The following TACC2 variants were observed in gnomAD, a reference collection of about 807,000 sequenced individuals.
TACC2 encodes the protein transforming acidic coiled-coil containing protein 2.
Under a neutral mutation model 227.3 loss-of-function variants are expected in TACC2, and 137 were observed. That is an observed-to-expected ratio of 0.60 (90% CI 0.52 to 0.69). The LOEUF is 0.69. Ranked by LOEUF, TACC2 falls within the 30% of genes least tolerant of loss-of-function variation. The probability of loss-of-function intolerance (pLI) is 0.00; values close to 1 mark genes in which losing one functional copy is unlikely to be tolerated. For missense variants in TACC2, 3,470 were observed against 3,694.4 expected, an observed-to-expected ratio of 0.94 and a Z score of 1.57; for synonymous variants, 1,523 against 1,487.5, an observed-to-expected ratio of 1.02 and a Z score of -0.55.
At position 122,085,230 on chromosome 10, in the gene TACC2, G is replaced by A; in HGVS notation, c.2730G>A (p.Leu910=). 6.2e-7 allele frequency: 1 copy of A among 1,614,120 alleles called. No individual in the cohort carries two copies. Among genetic ancestry groups the A allele is most frequent in the Non-Finnish European group, 8.5e-7 (1 of 1,180,042 alleles). Residue 910 remains leucine (L), a synonymous_variant, in exon 4 of 23, where the codon CTG becomes CTA. Coordinates refer to ENST00000369005, the MANE Select transcript of TACC2 (RefSeq NM_206862.4). ...AAAGTCAGCTCCCCAAAGGCACCCT[G>A]TCTGATACTCCAACTTCATCTCCCA... The part of the protein sequence containing the change: ...ELQSQLPKGT[L]SDTPTSSPTD...
chr10:122,113,467 C>T (rs535997086), intron 5 of TACC2, among the ~76,000 whole-genome samples: 1 of 152,348 alleles, frequency 6.6e-6, no homozygotes, highest in South Asian at 2.1e-4. Context: ...GCCTGGTTCC[C>T]TTGAGTGGGA....
intron 1 of TACC2, among the ~76,000 whole-genome samples, chr10:121,991,848 G>C (rs1953038726): frequency 1.3e-5 from 2 of 152,224 alleles, no homozygotes; most frequent in Admixed American, 6.5e-5. Context: ...TGGACTCACA[G>C]TTCCGTGTGG....
chr10:122,019,303 T>C (rs1957060318), intron 1 of TACC2, among the ~76,000 whole-genome samples: 1 of 152,330 alleles, frequency 6.6e-6, no homozygotes, highest in South Asian at 2.1e-4. Flanking sequence ...GACTGCCGCG[T>C]CATCACATTT....
intron 22 of TACC2, among the ~76,000 whole-genome samples, chr10:122,252,746 G>A (rs2096275639): frequency 6.6e-6 from 1 of 152,154 alleles, no homozygotes. Context: ...ACCCGCCTCG[G>A]CCTCCCAAAG....
rs751450615 is a variant in TACC2 at position 122,195,033 on chromosome 10, T to C, written c.5835-7T>C. 1 of 1,607,568 alleles carries C rather than the reference T, an allele frequency of 6.2e-7. No individual in the cohort carries two copies. Among genetic ancestry groups the C allele is most frequent in the Non-Finnish European group, 8.5e-7 (1 of 1,176,138 alleles). On this transcript the variant is annotated splice_polypyrimidine_tract_variant and splice_region_variant and intron_variant, in intron 7 of 22. Transcript: ENST00000369005. ...TGTCTAACCTGTGCTTCTCCCTCTC[T>C]CATCAGGAGTTCCGATTCTGAAGAG...
intron 7 of TACC2, among the ~76,000 whole-genome samples, chr10:122,152,030 G>T (rs1330163043): frequency 1.2e-4 from 18 of 152,184 alleles, no homozygotes; most frequent in Admixed American, 9.2e-4. Flanking sequence ...TCCCCTTACT[G>T]CCCAAGGCTG....
At chr10:122,091,808 G>A (rs1222136981) in intron 5 of TACC2, among the ~76,000 whole-genome samples, 1 of 152,220 alleles carries the variant, frequency 6.6e-6, no homozygotes, top group Non-Finnish European at 1.5e-5. Flanking sequence ...GTCTTGGGGA[G>A]GCTGGGTGAC....
In TACC2 at chr10:122,248,722, C is replaced by T; in HGVS notation, c.8472C>T (p.Asp2824=). Reference sequence around the variant, plus strand: ...TGGAGAAGGAGCAAGCCCTGGCCGACCTGAACTCCGTGGAGAAGTCTCTGG... The same window carrying T: ...TGGAGAAGGAGCAAGCCCTGGCCGATCTGAACTCCGTGGAGAAGTCTCTGG... ...LVLEKEQALA[D]LNSVEKSLAD... The change falls in exon 20 of 23, where the codon GAC becomes GAT. Residue 2824 remains aspartate, a synonymous_variant. Coordinates refer to ENST00000369005, the MANE Select transcript of TACC2 (RefSeq NM_206862.4). 1 of 1,614,106 alleles carries T rather than the reference C, an allele frequency of 6.2e-7. No individual in the cohort carries two copies.
intron 2 of TACC2, among the ~76,000 whole-genome samples, chr10:122,029,847 A>T (rs932540091): frequency 7.1e-5 from 9 of 126,674 alleles, no homozygotes; most frequent in African/African-American, 2.4e-4. Context: ...GGTCTTAGGG[A>T]TGCTTTTGGA....
chr10:122,137,290 A>AT (rs2139036932), intron 6 of TACC2, among the ~76,000 whole-genome samples: 1 of 152,006 alleles, frequency 6.6e-6, no homozygotes, highest in South Asian at 2.1e-4. Flanking sequence ...TCATTAAAAA[A>AT]AAAAAAAGCA....
intron 8 of TACC2, among the ~76,000 whole-genome samples, chr10:122,196,035 G>A (rs2094557849): frequency 6.6e-6 from 1 of 152,190 alleles, no homozygotes; most frequent in East Asian, 1.9e-4. Flanking sequence ...CCTGGGAGCG[G>A]CCACTGCCAG....
intron 5 of TACC2, among the ~76,000 whole-genome samples, chr10:122,125,663 A>G (rs1238472650): frequency 2.0e-5 from 3 of 151,988 alleles, no homozygotes; most frequent in Non-Finnish European, 4.4e-5. Flanking sequence ...TTTGCCACAG[A>G]GGATGGCCAG....
intron 3 of TACC2, among the ~76,000 whole-genome samples, chr10:122,074,431 T>A (rs1382441328): frequency 1.3e-5 from 2 of 151,966 alleles, no homozygotes; most frequent in Non-Finnish European, 2.9e-5. Flanking sequence ...AAGCACTGAG[T>A]TTGGTTTTTA....
chr10:122,240,633 G>A (rs1306440763), intron 18 of TACC2, among the ~76,000 whole-genome samples: 2 of 152,168 alleles, frequency 1.3e-5, no homozygotes, highest in African/African-American at 2.4e-5. Flanking sequence ...GGAGGGGCAA[G>A]CTCAGCGGGA....
At chr10:122,100,845 A>T (rs1280453061) in intron 5 of TACC2, among the ~76,000 whole-genome samples, 1 of 152,054 alleles carries the variant, frequency 6.6e-6, no homozygotes, top group Non-Finnish European at 1.5e-5. Flanking sequence ...TGGCTGAGAG[A>T]TGTTGGCCAG....
chr10:121,992,586 G>A (rs1953070902), intron 1 of TACC2, among the ~76,000 whole-genome samples: 1 of 152,164 alleles, frequency 6.6e-6, no homozygotes, highest in East Asian at 1.9e-4. Context: ...GTGGAGTGTG[G>A]GATCATTCTC....
intron 11 of TACC2, among the ~76,000 whole-genome samples, chr10:122,218,368 C>G (rs1273289704): frequency 1.3e-5 from 2 of 152,276 alleles, no homozygotes; most frequent in East Asian, 3.9e-4. Flanking sequence ...TCCTCCCTGT[C>G]TGAGTGGAGT....
intron 3 of TACC2, among the ~76,000 whole-genome samples, chr10:122,077,510 G>A (rs1256272525): frequency 6.6e-6 from 1 of 152,230 alleles, no homozygotes; most frequent in East Asian, 1.9e-4. Context: ...AGGGCTGCAG[G>A]CTCCAGGCAG....
intron 5 of TACC2, among the ~76,000 whole-genome samples, chr10:122,103,294 G>C (rs748559206): frequency 2.0e-5 from 3 of 152,160 alleles, no homozygotes; most frequent in Admixed American, 6.5e-5. Context: ...TGCACACACA[G>C]AGCCTATGTA....
Sources: allele counts gnomAD v4.1 joint callset (sites outside exome capture counted in the v4.1 genomes callset), GRCh38; gene constraint gnomAD v4.1.1; transcripts MANE v1.5; gene names NCBI Gene and HGNC (gene_info 2026-07-23, HGNC 2026-07-21).